Variants in PRSS36 observed in about 807,000 individuals in gnomAD.
PRSS36 encodes polyserase-2.
A neutral mutation model predicts 94.3 loss-of-function variants in PRSS36; 90 were observed. That is an observed-to-expected ratio of 0.95 (90% CI 0.80 to 1.14). The LOEUF (loss-of-function observed/expected upper bound fraction) is 1.14, where lower values mean the gene tolerates loss of function less well. Among genes scored for constraint, PRSS36 ranks in the 50% most tolerant of loss-of-function variants. The pLI is 0.00. For synonymous variants in PRSS36, 500 were observed against 489.6 expected (o/e 1.02, Z -0.28); for missense variants, 1,158 against 1,135.0 (o/e 1.02, Z -0.29).
At chr16:31,147,540 T>C (rs2057816311) in intron 5 of PRSS36, among the ~76,000 whole-genome samples, 1 of 152,114 alleles carries the variant, frequency 6.6e-6, no homozygotes, top group Non-Finnish European at 1.5e-5. Context: ...GCTTGGGTGA[T>C]GGGGATGATG....
chr16:31,140,538 C>CG lies in PRSS36; in HGVS notation c.2120dup (p.Ala709GlyfsTer30), dbSNP rs1019217693. ...AGCCCAACACCCAGCAGCTGGCCCC[C>CG]GGGGGGATACCCGCCGGGTGGAGAC... On this transcript the variant is annotated frameshift_variant, in exon 13 of 15. Coordinates refer to ENST00000268281, the MANE Select transcript of PRSS36 (RefSeq NM_173502.5). LOFTEE classifies it high-confidence loss of function. 1.1e-5 allele frequency: 17 copies of CG among 1,580,004 alleles called. No homozygotes were observed. Among genetic ancestry groups the CG allele is most frequent in the East Asian group, 2.2e-5 (1 of 44,654 alleles).
intron 6 of PRSS36, 42 bp from the exon 7 acceptor site, chr16:31,143,879 C>A (rs779083237): frequency 6.2e-7 from 1 of 1,608,430 alleles, no homozygotes; most frequent in Non-Finnish European, 8.5e-7. Context: ...AGCCCAGGGA[C>A]CTACTCGAAA....
chr16:31,140,294 C>T lies in PRSS36; in HGVS notation c.2289G>A (p.Glu763=). ...LYAEGQENRC[E]MTSAPPLLCQ... ...CTCCAGGACGCCCAGGCCCCTGTAC[C>T]TCACACCTGTTCTCCTGCCCCTCTG... is the stretch of plus-strand genomic sequence containing the variant. The change falls in exon 14 of 15, where the codon GAG becomes GAA. Residue 763 remains glutamate (E), a splice_region_variant and synonymous_variant. Coordinates refer to ENST00000268281, the MANE Select transcript of PRSS36 (RefSeq NM_173502.5). 6.2e-7 allele frequency: 1 copy of T among 1,610,130 alleles called. No homozygotes were observed. Among genetic ancestry groups the T allele is most frequent in the Non-Finnish European group, 8.5e-7 (1 of 1,177,764 alleles).
In PRSS36 at chr16:31,142,637, C is replaced by G; in HGVS notation, c.1365G>C (p.Ala455=). The part of the protein sequence containing the change: ...RLARWGRGEP[A]LGPGALLEAE... ...CCTCCAGCAGCGCGCCTGGGCCAAG[C>G]GCGGGTTCTGGAAGGGAAAAGGCAG... Residue 455 remains alanine, a synonymous_variant, in exon 10 of 15, where the codon GCG becomes GCC. Coordinates refer to ENST00000268281, the MANE Select transcript of PRSS36 (RefSeq NM_173502.5). The G allele has an allele frequency of 2.7e-6, 4 of 1,477,828 alleles. No individual in the cohort carries two copies. Among genetic ancestry groups the G allele is most frequent in the Non-Finnish European group, 3.6e-6 (4 of 1,117,192 alleles). The allele number at this position is 1,477,828 out of a possible 1,614,324, so 91.5% of individuals were successfully genotyped here. A position where few individuals can be genotyped will look rare whatever the true frequency, so the allele number is the denominator to read the frequency against.
chr16:31,143,714 A>AG lies in PRSS36; in HGVS notation c.843dup (p.Tyr282LeufsTer2). On this transcript the variant is annotated frameshift_variant, in exon 7 of 15. Transcript: ENST00000268281. LOFTEE classifies it high-confidence loss of function. ...ACCTGCTCCCGTATCCATGCCTCATAGGTAGCCACAGCAGTGAAAACTCCA... is the reference window on the plus strand; with the variant it reads ...ACCTGCTCCCGTATCCATGCCTCATAGGGTAGCCACAGCAGTGAAAACTCCA... 1 of 1,614,094 alleles carries AG rather than the reference A, an allele frequency of 6.2e-7. No homozygotes were observed. Among genetic ancestry groups the AG allele is most frequent in the African/African-American group, 1.3e-5 (1 of 75,034 alleles).
chr16:31,141,597 C>A lies in PRSS36; in HGVS notation c.1773G>T (p.Arg591=), dbSNP rs1311538008. 6.2e-7 allele frequency: 1 copy of A among 1,613,382 alleles called. No individual in the cohort carries two copies. Among genetic ancestry groups the A allele is most frequent in the South Asian group, 1.1e-5 (1 of 91,048 alleles). The change falls in exon 12 of 15, where the codon CGG becomes CGT. Residue 591 remains arginine, a synonymous_variant. Transcript: ENST00000268281. ...GGACCCCCACTGGAGCAGCCTCCAGCCGCAGGCCACAGGCTAGGGAGAGGA... is the reference window on the plus strand; with the variant it reads ...GGACCCCCACTGGAGCAGCCTCCAGACGCAGGCCACAGGCTAGGGAGAGGA... ...PHTEHGACGL[R]LEAAPVGVLW... is the part of the protein sequence containing the mutation.
chr16:31,149,777 A>G (rs747802299), intron 1 of PRSS36, 46 bp from the exon 2 acceptor site: 25 of 1,613,588 alleles, frequency 1.5e-5, no homozygotes, highest in Non-Finnish European at 2.0e-5. Flanking sequence ...ACTCGCACTC[A>G]GTATGTGCCC....
rs191779462 is a variant in PRSS36 at position 31,149,211 on chromosome 16, G to C, written c.134C>G (p.Ala45Gly). The C allele has an allele frequency of 6.4e-7, 1 of 1,563,830 alleles. No individual in the cohort carries two copies. Among genetic ancestry groups the C allele is most frequent in the South Asian group, 1.2e-5 (1 of 85,214 alleles). Reference sequence around the variant, plus strand: ...CGCGTTTGAGCCCCCCACGATGCGGGCCGAGGGCTCAGGGCGCCCGCAGTC... The same window carrying C: ...CGCGTTTGAGCCCCCCACGATGCGGCCCGAGGGCTCAGGGCGCCCGCAGTC... Reference protein sequence around the residue: ...DLDCGRPEPSARIVGGSNAQP... With the variant: ...DLDCGRPEPSGRIVGGSNAQP... Residue 45 changes from alanine (A) to glycine (G), a missense_variant, in exon 4 of 15, where the codon GCC (alanine) becomes GGC (glycine). By Grantham distance (60) the Ala-to-Gly change is moderately conservative. Transcript: ENST00000268281.
Position 31,140,772 on chromosome 16 carries a change from T to C in PRSS36, c.1902-15A>G, listed in dbSNP as rs2057674393. The stretch of plus-strand genomic sequence containing the variant: ...TAGAGCCTGGCCTGTTGGAACAAGG[T>C]CCAATGTCACCTTCTGCTCCTCCCA... On this transcript the variant is annotated splice_polypyrimidine_tract_variant and intron_variant, in intron 12 of 14. Transcript: ENST00000268281. 6.2e-7 allele frequency: 1 copy of C among 1,612,676 alleles called. No individual in the cohort carries two copies. The highest frequency in any genetic ancestry group is 8.5e-7 in the Non-Finnish European group (1 of 1,179,430).
chr16:31,142,107 G>A (rs2057704562), intron 10 of PRSS36, 147 bp from the exon 11 acceptor site: 2 of 712,816 alleles, frequency 2.8e-6, no homozygotes, highest in East Asian at 5.1e-5. Flanking sequence ...ATACTAATTT[G>A]TGTAAGAATT....
In PRSS36 at chr16:31,143,418, C is replaced by A; in HGVS notation, c.1024G>T (p.Val342Leu). 1 of 1,612,880 alleles carries A rather than the reference C, an allele frequency of 6.2e-7. No individual in the cohort carries two copies. Among genetic ancestry groups the A allele is most frequent in the Non-Finnish European group, 8.5e-7 (1 of 1,179,632 alleles). Residue 342 changes from valine to leucine, a missense_variant, in exon 8 of 15, where the codon GTG becomes TTG. By Grantham distance (32) the Val-to-Leu change is conservative (BLOSUM62 1). Transcript: ENST00000268281. ...CCATGGCAGGGTCTGGATCCTGGCACCATCACCTGGGCCTCCCAGGGCCAG... is the reference window on the plus strand; with the variant it reads ...CCATGGCAGGGTCTGGATCCTGGCAACATCACCTGGGCCTCCCAGGGCCAG... ...GAWPWEAQVMVPGSRPCHGAL... is the reference protein window; with the variant it reads ...GAWPWEAQVMLPGSRPCHGAL...
rs756538144 is a variant in PRSS36 at position 31,141,732 on chromosome 16, C to G, written c.1750G>C (p.Glu584Gln). ...TETQTCPPHT[E>Q]HGACGLRLEA... ...AAAGCGTCCTGCTCACCACCATGCTCTGTGTGTGGGGGACAAGTCTGTGTC... is the reference window on the plus strand; with the variant it reads ...AAAGCGTCCTGCTCACCACCATGCTGTGTGTGTGGGGGACAAGTCTGTGTC... Residue 584 changes from glutamate to glutamine, a missense_variant, in exon 11 of 15, where the codon GAG becomes CAG. Coordinates refer to ENST00000268281, the MANE Select transcript of PRSS36 (RefSeq NM_173502.5). 13 of 1,612,972 alleles carry G rather than the reference C, an allele frequency of 8.1e-6. No homozygotes were observed. The highest frequency in any genetic ancestry group is 4.4e-5 in the South Asian group (4 of 91,082).
chr16:31,139,053 T>TAAAA lies in PRSS36; in HGVS notation c.*84_*85insTTTT. The TAAAA allele has an allele frequency of 1.4e-6, 2 of 1,444,346 alleles. No individual in the cohort carries two copies. Among genetic ancestry groups the TAAAA allele is most frequent in the Non-Finnish European group, 1.9e-6 (2 of 1,079,830 alleles). 89.5% of individuals were successfully genotyped at this position (1,444,346 alleles called of 1,614,324 possible). ...TCTCGGTGGGTGGGGCCCTTGAGGT[T>TAAAA]CCAGCCGGCTGGGCCACATTCCAGC... On this transcript the variant is annotated 3_prime_UTR_variant, in exon 15 of 15. Coordinates refer to ENST00000268281, the MANE Select transcript of PRSS36 (RefSeq NM_173502.5).
rs1173519932 is a variant in PRSS36, at chr16:31,143,677, T to C, written c.881A>G (p.Glu294Gly). The change falls in exon 7 of 15, where the codon GAG becomes GGG. Residue 294 changes from glutamate to glycine, a missense_variant. Transcript: ENST00000268281. Reference sequence around the variant, plus strand: ...CTGGGTGGGAAAGGCAGGCCCAGGCTCTGAACCCATCACCTGCTCCCGTAT... The same window carrying C: ...CTGGGTGGGAAAGGCAGGCCCAGGCCCTGAACCCATCACCTGCTCCCGTAT... ...AWIREQVMGS[E>G]PGPAFPTQPQ... is the part of the protein sequence containing the mutation. 5 of 1,614,022 alleles carry C rather than the reference T, an allele frequency of 3.1e-6. No individual in the cohort carries two copies. Among genetic ancestry groups the C allele is most frequent in the Middle Eastern group, 1.6e-4 (1 of 6,084 alleles).
At chr16:31,148,352 C>G in intron 5 of PRSS36, 43 bp downstream of exon 5, 1 of 1,493,722 alleles carries the variant, frequency 6.7e-7, no homozygotes, top group Middle Eastern at 2.4e-4. Flanking sequence ...CTCTCGAAGC[C>G]CCACCTCCCC....
At chr16:31,146,182 T>C (rs1160604659) in intron 5 of PRSS36, among the ~76,000 whole-genome samples, 1 of 152,242 alleles carries the variant, frequency 6.6e-6, no homozygotes, top group Non-Finnish European at 1.5e-5. Context: ...CATGCATGGT[T>C]GTGCAGGTTG....
chr16:31,145,151 C>T (rs1192010665), intron 6 of PRSS36, among the ~76,000 whole-genome samples: 3 of 151,650 alleles, frequency 2.0e-5, no homozygotes, highest in South Asian at 2.1e-4. Flanking sequence ...GGGTGGATCA[C>T]GAGGTCAGGA....
chr16:31,149,888 T>G, intron 1 of PRSS36, 111 bp downstream of exon 1: 1 of 1,535,672 alleles, frequency 6.5e-7, no homozygotes, highest in East Asian at 2.3e-5. Flanking sequence ...CTGCCTCACT[T>G]CCTTCTCTCT....
At position 31,143,446 on chromosome 16, in the gene PRSS36, C is replaced by G. The variant is rs757831440; in HGVS notation, c.996G>C (p.Gly332=). Residue 332 remains glycine, a synonymous_variant, in exon 8 of 15, where the codon GGG becomes GGC. Coordinates refer to ENST00000268281, the MANE Select transcript of PRSS36 (RefSeq NM_173502.5). The stretch of plus-strand genomic sequence containing the variant: ...TCACCTGGGCCTCCCAGGGCCAGGC[C>G]CCTGGCCGCGGGGCCTTCCCGCACT... The part of the protein sequence containing the change: ...LPECGKAPRP[G]AWPWEAQVMV... 1 of 1,610,990 alleles carries G rather than the reference C, an allele frequency of 6.2e-7. No individual in the cohort carries two copies. The highest frequency in any genetic ancestry group is 8.5e-7 in the Non-Finnish European group (1 of 1,178,736).
Sources: gnomAD v4.1 joint callset for allele counts (sites outside exome capture counted in the v4.1 genomes callset) on GRCh38, gnomAD v4.1.1 for gene constraint, MANE v1.5 for transcripts, NCBI Gene and HGNC (gene_info 2026-07-23, HGNC 2026-07-21) for gene names.